The following IFRD2 variants were observed in gnomAD, a reference collection of about 807,000 sequenced individuals.
The protein encoded by IFRD2 is interferon-related developmental regulator 2.
Under a neutral mutation model 49.2 loss-of-function variants are expected in IFRD2, and 35 were observed. The observed-to-expected ratio is 0.71, with a 90% CI of 0.54 to 0.94. The LOEUF is 0.94. Ranked by LOEUF, IFRD2 falls within the 40% of genes least tolerant of loss-of-function variation. The pLI, the probability that IFRD2 is intolerant of heterozygous loss-of-function variation, is 0.00. For synonymous variants in IFRD2, 275 were observed against 239.7 expected, an observed-to-expected ratio of 1.15 and a Z score of -1.36; for missense variants, 561 against 591.6, an observed-to-expected ratio of 0.95 and a Z score of 0.54.
At chr3:50,290,123 G>A in intron 4 of IFRD2, 37 bp from the exon 5 acceptor site, 1 of 1,612,472 alleles carries the variant, frequency 6.2e-7, no homozygotes, top group Non-Finnish European at 8.5e-7. Flanking sequence ...TGCAGCAAGG[G>A]CCAGTGTCTG....
At chr3:50,288,980 T>C in intron 8 of IFRD2, 43 bp from the exon 9 acceptor site, 1 of 1,598,838 alleles carries the variant, frequency 6.3e-7, no homozygotes, top group Non-Finnish European at 8.5e-7. Context: ...ATGCTTGAGC[T>C]CTGCTGGCTC....
chr3:50,292,205 C>A lies in IFRD2; in HGVS notation c.58+12G>T, dbSNP rs1437989274. ...GCTCATACAGCTGTCCCGCGCCCCC[C>A]ACCCCACTCACCTCCTCCACGGCGC... is the stretch of plus-strand genomic sequence containing the variant. On this transcript the variant is annotated intron_variant, in intron 1 of 11. Transcript: ENST00000417626. 6 of 1,455,906 alleles carry A rather than the reference C, an allele frequency of 4.1e-6. No homozygotes were observed. Among genetic ancestry groups the A allele is most frequent in the African/African-American group, 1.4e-5 (1 of 69,170 alleles). The allele number at this position is 1,455,906 out of a possible 1,614,324, so 90.2% of individuals were successfully genotyped here. A position where few individuals can be genotyped will look rare whatever the true frequency, so the allele number is the denominator to read the frequency against.
chr3:50,288,426 C>T lies in IFRD2; in HGVS notation c.1231G>A (p.Val411Ile), dbSNP rs782202612. The T allele has an allele frequency of 1.9e-6, 3 of 1,613,328 alleles. No individual in the cohort carries two copies. The highest frequency in any genetic ancestry group is 2.5e-6 in the Non-Finnish European group (3 of 1,179,594). ...LDATALKACK[V>I]PRFEKHLYNA... ...GTGCAAACCTTCTCAAAGCGTGGAA[C>T]CTTGCAGGCCTTCAGGGCAGTGGCA... The change falls in exon 11 of 12, where the codon GTT (valine) becomes ATT (isoleucine). Residue 411 changes from valine (V) to isoleucine (I), a missense_variant. By Grantham distance (29) the Val-to-Ile change is conservative. Coordinates refer to ENST00000417626, the MANE Select transcript of IFRD2 (RefSeq NM_006764.5).
chr3:50,289,800 G>A, intron 5 of IFRD2, 38 bp from the exon 6 acceptor site: 3 of 1,588,252 alleles, frequency 1.9e-6, no homozygotes, highest in Non-Finnish European at 2.6e-6. Flanking sequence ...ACGGTCAGCG[G>A]GTGAACCTGG....
rs781984638 is a variant in IFRD2 at position 50,292,369 on chromosome 3, T to C, written c.-95A>G. 1 of 1,576,302 alleles carries C rather than the reference T, an allele frequency of 6.3e-7. No individual in the cohort carries two copies. Among genetic ancestry groups the C allele is most frequent in the South Asian group, 1.1e-5 (1 of 87,618 alleles). Reference sequence around the variant, plus strand: ...CCGGCCGGTGCGCTGCGCTGAGACTTGGCCAGACGACGGGAGCCACACGCC... The same window carrying C: ...CCGGCCGGTGCGCTGCGCTGAGACTCGGCCAGACGACGGGAGCCACACGCC... On this transcript the variant is annotated 5_prime_UTR_variant, in exon 1 of 12. Transcript: ENST00000417626.
At chr3:50,292,137 C>T in intron 1 of IFRD2, 80 bp downstream of exon 1, 1 of 1,373,064 alleles carries the variant, frequency 7.3e-7, no homozygotes, top group Non-Finnish European at 9.5e-7. Context: ...CACCCAGGGC[C>T]CTCGAGAACA....
chr3:50,292,174 C>T (rs782485430), intron 1 of IFRD2, 43 bp downstream of exon 1: 106 of 1,435,982 alleles, frequency 7.4e-5, no homozygotes, highest in Middle Eastern at 2.6e-4. Context: ...AGGACCCCCG[C>T]CCGCCGCTCA....
intron 8 of IFRD2, 39 bp downstream of exon 8, chr3:50,289,216 G>A (rs1267412848): frequency 3.3e-6 from 5 of 1,500,486 alleles, no homozygotes; most frequent in Non-Finnish European, 4.5e-6. Flanking sequence ...TGATGGGCAG[G>A]TGGTGTCACC....
At position 50,290,627 on chromosome 3, in the gene IFRD2, G is replaced by GGT; in HGVS notation, c.110_111insAC (p.Ser38ProfsTer41). 1.2e-6 allele frequency: 2 copies of GGT among 1,613,998 alleles called. No homozygotes were observed. The highest frequency in any genetic ancestry group is 1.6e-4 in the Middle Eastern group (1 of 6,062). On this transcript the variant is annotated frameshift_variant, in exon 2 of 12. Coordinates refer to ENST00000417626, the MANE Select transcript of IFRD2 (RefSeq NM_006764.5). LOFTEE classifies it high-confidence loss of function. ...CACTGGCGGTGCTGCGGGCCTCACT[G>GGT]GCTGCCTCATCGTCACTGGAACCCG...
At chr3:50,289,232 C>G (rs1553709176) in intron 8 of IFRD2, 23 bp downstream of exon 8, 1 of 1,543,078 alleles carries the variant, frequency 6.5e-7, no homozygotes, top group African/African-American at 1.4e-5. Context: ...TCACCAAGCA[C>G]CCCCCATCCT....
intron 1 of IFRD2, among the ~76,000 whole-genome samples, chr3:50,290,880 G>T (rs1701659952): frequency 6.6e-6 from 1 of 152,172 alleles, no homozygotes; most frequent in African/African-American, 2.4e-5. Context: ...CATTGGCAAG[G>T]TTGGCTGCTG....
In IFRD2 at chr3:50,287,891, A is replaced by C; in HGVS notation, c.*300T>G. On this transcript the variant is annotated 3_prime_UTR_variant, in exon 12 of 12. Transcript: ENST00000417626. ...TAAGAGTGGGTCATCCTGGGGGAGC[A>C]AGGCCTGAGAAAGGAAAGGAAGGGA... 5 of 378,912 alleles carry C rather than the reference A, an allele frequency of 1.3e-5. No homozygotes were observed. The highest frequency in any genetic ancestry group is 2.5e-5 in the Non-Finnish European group (5 of 203,338). 23.5% of individuals were successfully genotyped at this position (378,912 alleles called of 1,614,324 possible).
rs782077055 is a variant in IFRD2, at chr3:50,288,782, A to G, written c.1023+18T>C. On this transcript the variant is annotated intron_variant, in intron 9 of 11. Coordinates refer to ENST00000417626, the MANE Select transcript of IFRD2 (RefSeq NM_006764.5). Reference sequence around the variant, plus strand: ...TGGGGGTGCACCCTTGCTAGGACACATATGTTCTCACACACACCTCCACGG... The same window carrying G: ...TGGGGGTGCACCCTTGCTAGGACACGTATGTTCTCACACACACCTCCACGG... 1.1e-5 allele frequency: 18 copies of G among 1,612,756 alleles called. No homozygotes were observed. The highest frequency in any genetic ancestry group is 1.4e-5 in the Non-Finnish European group (16 of 1,179,304).
At chr3:50,289,182 G>T in intron 8 of IFRD2, 73 bp downstream of exon 8, 1 of 1,360,316 alleles carries the variant, frequency 7.4e-7, no homozygotes, top group Non-Finnish European at 1.0e-6. Context: ...TCTGTTTTGT[G>T]TGGCACCCCC....
intron 8 of IFRD2, 109 bp downstream of exon 8, chr3:50,289,143 ACCT>A (rs1701619235): frequency 8.5e-7 from 1 of 1,175,730 alleles, no homozygotes; most frequent in African/African-American, 1.5e-5. Context: ...TTTTGGGGCC[ACCT>A]CCTCTGCATA....
Position 50,290,398 on chromosome 3 carries a change from T to C in IFRD2, c.253A>G (p.Thr85Ala), listed in dbSNP as rs587720835. Residue 85 changes from threonine to alanine, a missense_variant, in exon 3 of 12, where the codon ACA becomes GCA. Thr to Ala is a moderately conservative substitution (Grantham distance 58). Transcript: ENST00000417626. The stretch of plus-strand genomic sequence containing the variant: ...GGCAGCCAGGGGTACCTCTTGTCTG[T>C]GAGACAGTCCACATACTCCTTCAGC... ...EKLKEYVDCL[T>A]DKSAKTRQGA... 214 of 1,581,632 alleles carry C rather than the reference T, an allele frequency of 1.4e-4. 1 individual carries two copies. In the Middle Eastern group the frequency reaches 2.0e-3, roughly 15 times the overall value.
intron 2 of IFRD2, 33 bp downstream of exon 2, chr3:50,290,527 C>T: frequency 3.1e-6 from 5 of 1,609,572 alleles, no homozygotes; most frequent in Non-Finnish European, 4.2e-6. Flanking sequence ...GGAGCCCTCA[C>T]CAAGCCCCTG....
In IFRD2 at chr3:50,289,480, C is replaced by T. The variant is rs2109275395; in HGVS notation, c.746G>A (p.Cys249Tyr). ...GATGTGGCTGATTTGGGTGCTAGGG[C>T]AGATGGTGAGCAGCAATGCCCAGGC... ...LQAWALLLTICPSTQISHILD... is the reference protein window; with the variant it reads ...LQAWALLLTIYPSTQISHILD... Residue 249 changes from cysteine to tyrosine, a missense_variant, in exon 7 of 12, where the codon TGC (cysteine) becomes TAC (tyrosine). By Grantham distance (194) the Cys-to-Tyr change is radical. Coordinates refer to ENST00000417626, the MANE Select transcript of IFRD2 (RefSeq NM_006764.5). 6.3e-7 allele frequency: 1 copy of T among 1,583,358 alleles called. No homozygotes were observed. Among genetic ancestry groups the T allele is most frequent in the Non-Finnish European group, 8.6e-7 (1 of 1,164,558 alleles).
intron 1 of IFRD2, 144 bp downstream of exon 1, chr3:50,292,073 G>A: frequency 3.3e-6 from 3 of 901,488 alleles, no homozygotes; most frequent in East Asian, 3.0e-5. Flanking sequence ...TGGGGCACGT[G>A]CCAGCCTCGG....
Sources: gnomAD v4.1 joint callset for allele counts (sites outside exome capture counted in the v4.1 genomes callset) on GRCh38, gnomAD v4.1.1 for gene constraint, MANE v1.5 for transcripts, NCBI Gene and HGNC (gene_info 2026-07-23, HGNC 2026-07-21) for gene names.